Variants in CHMP3 observed in about 807,000 individuals in gnomAD.
CHMP3 encodes charged multivesicular body protein 3, also known as 25.1 protein.
A neutral mutation model predicts 27.4 loss-of-function variants in CHMP3; 8 were observed. That is an observed-to-expected ratio of 0.29 (90% CI 0.17 to 0.53). The LOEUF is 0.53. Among genes scored for constraint, CHMP3 ranks in the 20% least tolerant of loss-of-function variants. CHMP3 has a pLI of 0.96. For missense variants in CHMP3, 208 were observed against 271.5 expected (o/e 0.77, Z 1.64); for synonymous variants, 86 against 85.5 (o/e 1.01, Z -0.03).
rs1041159485 is a variant in CHMP3, at chr2:86,505,167, G to A, written c.*637C>T. On this transcript the variant is annotated 3_prime_UTR_variant, in exon 6 of 6. Coordinates refer to ENST00000263856, the MANE Select transcript of CHMP3 (RefSeq NM_016079.4). ...AAGGAAGGGACAGAAGCTCTAAATA[G>A]ACCCACATGCACACCCCAGGACATA... 1 of 152,698 alleles carries A rather than the reference G, an allele frequency of 6.5e-6. No individual in the cohort carries two copies. The highest frequency in any genetic ancestry group is 2.4e-5 in the African/African-American group (1 of 41,434). 9.5% of individuals were successfully genotyped at this position (152,698 alleles called of 1,614,324 possible). A position where few individuals can be genotyped will look rare whatever the true frequency, so the allele number is the denominator to read the frequency against.
chr2:86,506,974 T>A (rs1674910664), intron 5 of CHMP3: 1 of 152,306 alleles, frequency 6.6e-6, no homozygotes, highest in African/African-American at 2.4e-5. Context: ...TTTCAGCACA[T>A]TCTTAATTAT....
At chr2:86,549,283 C>T (rs1232368004) in intron 1 of CHMP3, among the ~76,000 whole-genome samples, 1 of 147,398 alleles carries the variant, frequency 6.8e-6, no homozygotes, top group African/African-American at 2.5e-5. Flanking sequence ...AGGCGCTCCT[C>T]GCCTCCCAGA....
In CHMP3 at chr2:86,504,002, CTAAA is replaced by C. The variant is rs1674794729; in HGVS notation, c.*1798_*1801del. On this transcript the variant is annotated 3_prime_UTR_variant, in exon 6 of 6. Coordinates refer to ENST00000263856, the MANE Select transcript of CHMP3 (RefSeq NM_016079.4). The stretch of plus-strand genomic sequence containing the variant: ...GGTACTAGGCTTAGTACCTGGGTCA[CTAAA>C]TAATCTGTATAACAAACCCCCTTGT... 1 of 152,064 alleles carries C rather than the reference CTAAA, an allele frequency of 6.6e-6. No individual in the cohort carries two copies. The highest frequency in any genetic ancestry group is 6.6e-5 in the Admixed American group (1 of 15,262). 9.4% of individuals were successfully genotyped at this position (152,064 alleles called of 1,614,324 possible). A position where few individuals can be genotyped will look rare whatever the true frequency, so the allele number is the denominator to read the frequency against.
At chr2:86,529,089 C>T in intron 3 of CHMP3, 129 bp downstream of exon 3, 1 of 1,047,430 alleles carries the variant, frequency 9.5e-7, no homozygotes, top group Non-Finnish European at 1.3e-6. Flanking sequence ...TGCATTTCTA[C>T]AACACTCAAC....
rs569145571 is a variant in CHMP3 at position 86,549,746 on chromosome 2, C to T, written c.46-7434G>A. Among the ~76,000 whole-genome samples, 56 of 137,924 alleles carry T rather than the reference C, an allele frequency of 4.1e-4. 1 individual carries two copies. In the South Asian group the frequency reaches 4.4e-3, roughly 11 times the overall value. The allele number at this position is 137,924 out of a possible 152,430, so 90.5% of individuals were successfully genotyped here. On this transcript the variant is annotated intron_variant, in intron 1 of 5. Coordinates refer to ENST00000263856, the MANE Select transcript of CHMP3 (RefSeq NM_016079.4). The stretch of plus-strand genomic sequence containing the variant: ...CGGGCAGAGGCACCCACTTCGCAGA[C>T]GGGGCGGCCAGGCAGAGGCGCTCCT...
intron 3 of CHMP3, chr2:86,511,559 T>A: frequency 6.6e-6 from 1 of 151,574 alleles, no homozygotes; most frequent in East Asian, 1.9e-4. Context: ...TATAAATTTA[T>A]AAAATTTTAT....
chr2:86,546,376 G>GC (rs1676604176), intron 1 of CHMP3, among the ~76,000 whole-genome samples: 1 of 151,020 alleles, frequency 6.6e-6, no homozygotes, highest in Non-Finnish European at 1.5e-5. Flanking sequence ...GGGGAAGGGG[G>GC]GGAGGGGGAG....
intron 2 of CHMP3, 110 bp downstream of exon 2, chr2:86,542,142 G>A (rs1573283447): frequency 8.9e-7 from 1 of 1,127,458 alleles, no homozygotes; most frequent in Non-Finnish European, 1.3e-6. Context: ...ATAAATAACT[G>A]ATATAGGAAT....
chr2:86,544,716 CA>C (rs1676498145), intron 1 of CHMP3, among the ~76,000 whole-genome samples: 1 of 152,220 alleles, frequency 6.6e-6, no homozygotes, highest in Admixed American at 6.5e-5. Context: ...TAGTACAGAA[CA>C]AAATGGAGTC....
At chr2:86,513,970 C>T (rs7562493) in intron 3 of CHMP3, among the ~76,000 whole-genome samples, 28,800 of 152,192 alleles carry the variant, frequency 0.19, 3,477 homozygotes, top group African/African-American at 0.33. Flanking sequence ...TTTCCTTATT[C>T]GTGAAGATTG....
chr2:86,537,941 T>G (rs1307025797), intron 2 of CHMP3, among the ~76,000 whole-genome samples: 1 of 152,190 alleles, frequency 6.6e-6, no homozygotes, highest in Non-Finnish European at 1.5e-5. Context: ...CTGAAAAGAA[T>G]TGAAAGCAAA....
chr2:86,514,773 T>C (rs928726192), intron 3 of CHMP3, among the ~76,000 whole-genome samples: 5 of 152,204 alleles, frequency 3.3e-5, no homozygotes, highest in African/African-American at 1.2e-4. Flanking sequence ...TTCAAAAGAC[T>C]AGAGCATTCA....
In CHMP3 at chr2:86,505,817, G is replaced by A; in HGVS notation, c.656C>T (p.Thr219Ile). Residue 219 changes from threonine (T) to isoleucine (I), a missense_variant, in exon 6 of 6, where the codon ACA (threonine) becomes ATA (isoleucine). By Grantham distance (89) the Thr-to-Ile change is moderately conservative. Around this residue, in one of 3 missense-constraint regions of CHMP3, gnomAD observed 62 missense variants for 68.4 expected, o/e 0.91. Coordinates refer to ENST00000263856, the MANE Select transcript of CHMP3 (RefSeq NM_016079.4). Reference protein sequence around the residue: ...ALEAMQSRLATLRS With the variant: ...ALEAMQSRLAILRS ...GGTAGGCAGCCCCTAGCTGCGGAGT[G>A]TGGCCAGCCGGGACTGCATGGCCTC... 1.3e-6 allele frequency: 2 copies of A among 1,586,020 alleles called. 1 individual carries two copies. Among genetic ancestry groups the A allele is most frequent in the South Asian group, 2.3e-5 (2 of 87,386 alleles).
intron 1 of CHMP3, among the ~76,000 whole-genome samples, chr2:86,554,814 C>CGTGTGTGTGTGTGTGT (rs769149856): frequency 1.1e-4 from 15 of 138,094 alleles, no homozygotes; most frequent in Admixed American, 2.1e-4. Flanking sequence ...TGTGTGTGCG[C>CGTGTGTGTGTGTGTGT]GCGTGTGTGT....
In CHMP3 at chr2:86,553,986, T is replaced by C. The variant is rs577800497; in HGVS notation, c.45+9318A>G. ...TCCCCAAATTCGTATGTTGAAATCC[T>C]AATCCTCAAAGTGACAGTATCAGGA... On this transcript the variant is annotated intron_variant, in intron 1 of 5. Coordinates refer to ENST00000263856, the MANE Select transcript of CHMP3 (RefSeq NM_016079.4). Among the ~76,000 whole-genome samples the C allele has an allele frequency of 7.2e-5, 11 of 152,380 alleles. No individual in the cohort carries two copies. The East Asian group carries it at 2.1e-3, about 29-fold the overall frequency.
intron 1 of CHMP3, among the ~76,000 whole-genome samples, chr2:86,558,694 C>T (rs1287014987): frequency 6.6e-6 from 1 of 152,092 alleles, no homozygotes; most frequent in Non-Finnish European, 1.5e-5. Flanking sequence ...TCTTTCAGCC[C>T]CCAACAGAAG....
intron 3 of CHMP3, among the ~76,000 whole-genome samples, chr2:86,517,597 A>C (rs769567032): frequency 6.6e-6 from 1 of 151,770 alleles, no homozygotes. Context: ...TTAGTTTCAT[A>C]ATCAGTAGAT....
At chr2:86,507,409 A>G in intron 5 of CHMP3, 70 bp downstream of exon 5, 1 of 1,355,500 alleles carries the variant, frequency 7.4e-7, no homozygotes, top group South Asian at 1.2e-5. Context: ...AAAAGCTACT[A>G]GCTAATTTAG....
chr2:86,553,010 G>C (rs1327894529), intron 1 of CHMP3, among the ~76,000 whole-genome samples: 3 of 151,634 alleles, frequency 2.0e-5, no homozygotes, highest in Non-Finnish European at 4.4e-5. Flanking sequence ...TGTCAGCCGG[G>C]GGTGGAGATC....
Sources: gnomAD v4.1 joint callset for allele counts (sites outside exome capture counted in the v4.1 genomes callset) on GRCh38, gnomAD v4.1.1 for gene constraint, gnomAD v4.1.1 regional missense constraint, MANE v1.5 for transcripts, NCBI Gene and HGNC (gene_info 2026-07-23, HGNC 2026-07-21) for gene names.